The following CDK14 variants were observed in gnomAD, a reference collection of about 807,000 sequenced individuals.
CDK14 encodes cyclin-dependent kinase 14.
A neutral mutation model predicts 60.7 loss-of-function variants in CDK14; 34 were observed. That is an observed-to-expected ratio of 0.56 (90% confidence interval 0.43 to 0.75). The LOEUF (loss-of-function observed/expected upper bound fraction) is 0.75. Among genes scored for constraint, CDK14 ranks in the 30% least tolerant of loss-of-function variants. The probability of loss-of-function intolerance (pLI) is 0.00; values close to 1 mark genes in which losing one functional copy is unlikely to be tolerated. For missense variants in CDK14, 482 were observed against 564.1 expected, an observed-to-expected ratio of 0.85 and a Z score of 1.47; for synonymous variants, 197 against 203.7, an observed-to-expected ratio of 0.97 and a Z score of 0.28.
chr7:90,973,157 CT>C (rs1794976023), intron 9 of CDK14, among the ~76,000 whole-genome samples: 1 of 152,130 alleles, frequency 6.6e-6, no homozygotes, highest in African/African-American at 2.4e-5. Flanking sequence ...TTTTAACATC[CT>C]TCTTTCCAAA....
intron 2 of CDK14, among the ~76,000 whole-genome samples, chr7:90,691,293 G>A (rs1436458870): frequency 7.9e-6 from 1 of 127,086 alleles, no homozygotes; most frequent in Admixed American, 8.4e-5. Context: ...GTATGAGGGT[G>A]GTAAGTACTG....
intron 2 of CDK14, among the ~76,000 whole-genome samples, chr7:90,612,771 C>CAAAAAAAA (rs531162992): frequency 1.1e-5 from 1 of 91,744 alleles, no homozygotes; most frequent in Non-Finnish European, 2.1e-5. Flanking sequence ...GACTCTGTCT[C>CAAAAAAAA]AAAAAAAAAA....
At chr7:91,046,599 ATT>A (rs1340370660) in intron 11 of CDK14, among the ~76,000 whole-genome samples, 1 of 152,118 alleles carries the variant, frequency 6.6e-6, no homozygotes, top group African/African-American at 2.4e-5. Context: ...ATATGGTCTG[ATT>A]TTTATAAGAG....
chr7:90,740,230 T>C (rs1803285843), intron 3 of CDK14, among the ~76,000 whole-genome samples: 1 of 148,482 alleles, frequency 6.7e-6, no homozygotes, highest in Non-Finnish European at 1.5e-5. Context: ...CATATACATA[T>C]ATATGTGTAT....
At chr7:91,007,028 C>T (rs1054909457) in intron 10 of CDK14, among the ~76,000 whole-genome samples, 1 of 152,142 alleles carries the variant, frequency 6.6e-6, no homozygotes, top group Non-Finnish European at 1.5e-5. Context: ...GCTTTATGCA[C>T]TCATATGTTA....
intron 10 of CDK14, among the ~76,000 whole-genome samples, chr7:91,002,531 T>G (rs970581468): frequency 2.0e-5 from 3 of 152,336 alleles, no homozygotes; most frequent in Admixed American, 2.0e-4. Flanking sequence ...TGAACTGCCT[T>G]TTACTAAAAC....
intron 14 of CDK14, among the ~76,000 whole-genome samples, chr7:91,130,451 T>G (rs1416994920): frequency 6.6e-6 from 1 of 152,282 alleles, no homozygotes; most frequent in East Asian, 1.9e-4. Flanking sequence ...TTTTAACTTT[T>G]AAGAGTCTTA....
chr7:90,717,561 G>A (rs1242655173), intron 2 of CDK14, among the ~76,000 whole-genome samples: 1 of 152,080 alleles, frequency 6.6e-6, no homozygotes, highest in East Asian at 1.9e-4. Flanking sequence ...AGATGCCAAA[G>A]AAACCATGTA....
chr7:90,667,575 CTT>C (rs1165434635), intron 2 of CDK14, among the ~76,000 whole-genome samples: 5 of 143,782 alleles, frequency 3.5e-5, no homozygotes, highest in African/African-American at 2.5e-5. Flanking sequence ...TGTATCCGTA[CTT>C]TTTTTTTTTT....
chr7:90,779,977 A>G (rs1464052910), intron 4 of CDK14, among the ~76,000 whole-genome samples: 1 of 152,102 alleles, frequency 6.6e-6, no homozygotes, highest in African/African-American at 2.4e-5. Flanking sequence ...CTTGAAGTTG[A>G]TTTGTTGAAG....
At chr7:91,056,672 C>A (rs1797577156) in intron 11 of CDK14, among the ~76,000 whole-genome samples, 1 of 149,560 alleles carries the variant, frequency 6.7e-6, no homozygotes. Flanking sequence ...GGTTTTTTGT[C>A]TTTGCGATAG....
intron 14 of CDK14, among the ~76,000 whole-genome samples, chr7:91,144,520 G>C (rs200271609): frequency 1.5e-5 from 2 of 135,958 alleles, no homozygotes; most frequent in African/African-American, 5.5e-5. Flanking sequence ...GCTTTAGACT[G>C]ACCATTTTTA....
chr7:91,151,062 G>A (rs909865790), intron 14 of CDK14, among the ~76,000 whole-genome samples: 1 of 152,130 alleles, frequency 6.6e-6, no homozygotes, highest in Non-Finnish European at 1.5e-5. Context: ...GCAGTGTCCC[G>A]AGGATTGTAT....
In CDK14 at chr7:91,099,696, C is replaced by G. The variant is rs1799100797; in HGVS notation, c.1155-12846C>G. ...CTATTAACTTTATCCTAATCTGTAT[C>G]CAGAAGTTGGAAAGGTTGTGAGTTA... On this transcript the variant is annotated intron_variant, in intron 12 of 14. Transcript: ENST00000380050. Among the ~76,000 whole-genome samples, 3 of 152,014 alleles carry G rather than the reference C, an allele frequency of 2.0e-5. No homozygotes were observed. In the South Asian group the frequency reaches 6.2e-4, roughly 32 times the overall value.
chr7:91,164,988 A>C (rs955277851), intron 14 of CDK14, among the ~76,000 whole-genome samples: 3 of 152,198 alleles, frequency 2.0e-5, no homozygotes, highest in Non-Finnish European at 2.9e-5. Flanking sequence ...ATTTTTGTTT[A>C]AAAGACTGAC....
At chr7:91,199,993 C>T (rs1355769699) in intron 14 of CDK14, among the ~76,000 whole-genome samples, 1 of 152,160 alleles carries the variant, frequency 6.6e-6, no homozygotes, top group Non-Finnish European at 1.5e-5. Context: ...GACTAATTTT[C>T]TACTTCCTTC....
At chr7:90,849,580 T>C (rs1357965212) in intron 5 of CDK14, among the ~76,000 whole-genome samples, 1 of 151,860 alleles carries the variant, frequency 6.6e-6, no homozygotes, top group African/African-American at 2.4e-5. Flanking sequence ...TCTTGGGGAT[T>C]GGAGAGGGTG....
chr7:90,847,765 G>C (rs1255606337), intron 5 of CDK14, among the ~76,000 whole-genome samples: 3 of 152,100 alleles, frequency 2.0e-5, no homozygotes, highest in African/African-American at 4.8e-5. Context: ...ATATTTTACT[G>C]TTTATGAAGA....
intron 9 of CDK14, among the ~76,000 whole-genome samples, chr7:90,965,032 TC>T (rs1794710446): frequency 6.6e-6 from 1 of 152,276 alleles, no homozygotes; most frequent in African/African-American, 2.4e-5. Context: ...ATCTATCAGT[TC>T]CATTTACTTT....
Sources: allele counts gnomAD v4.1 joint callset (sites outside exome capture counted in the v4.1 genomes callset), GRCh38; gene constraint gnomAD v4.1.1; transcripts MANE v1.5; gene names NCBI Gene and HGNC (gene_info 2026-07-23, HGNC 2026-07-21).